Variants in STAT3 observed in about 807,000 individuals in gnomAD.
STAT3 encodes the protein DNA-binding protein APRF.
A neutral mutation model predicts 114.3 loss-of-function variants in STAT3; 7 were observed. That is an observed-to-expected ratio of 0.06 (90% CI 0.03 to 0.11). The LOEUF is 0.11. STAT3 is among the 10% of genes least tolerant of loss of function. The probability of loss-of-function intolerance (pLI) is 1.00; values close to 1 mark genes in which losing one functional copy is unlikely to be tolerated. For synonymous variants in STAT3, 331 were observed against 354.5 expected (o/e 0.93, Z 0.74); for missense variants, 364 against 960.9 (o/e 0.38, Z 8.21).
chr17:42,326,648 C>G (rs915494334), intron 14 of STAT3, among the ~76,000 whole-genome samples: 1 of 152,084 alleles, frequency 6.6e-6, no homozygotes, highest in African/African-American at 2.4e-5. Context: ...GGTGAAACCC[C>G]GTTTCTACTA....
chr17:42,325,305 T>C, intron 15 of STAT3: 1 of 506,354 alleles, frequency 2.0e-6, no homozygotes, highest in Non-Finnish European at 3.6e-6. Context: ...AAAACCTGAC[T>C]TGCTCAAAGC....
At chr17:42,354,161 A>G (rs1353664925) in intron 1 of STAT3, among the ~76,000 whole-genome samples, 2 of 150,208 alleles carry the variant, frequency 1.3e-5, no homozygotes, top group Non-Finnish European at 3.0e-5. Flanking sequence ...AAGTAGTACA[A>G]TAATTGTGTT....
At chr17:42,385,409 T>G (rs1421159665) in intron 1 of STAT3, among the ~76,000 whole-genome samples, 1 of 150,248 alleles carries the variant, frequency 6.7e-6, no homozygotes, top group Non-Finnish European at 1.5e-5. Context: ...CTCAGGAGGC[T>G]GAGGTGCGAG....
At chr17:42,358,126 G>GTAAA (rs1456568701) in intron 1 of STAT3, among the ~76,000 whole-genome samples, 3 of 152,074 alleles carry the variant, frequency 2.0e-5, no homozygotes, top group African/African-American at 7.2e-5. Flanking sequence ...TATGAAAGAA[G>GTAAA]TAAAGGCCAG....
chr17:42,363,275 T>C (rs569464768), intron 1 of STAT3, among the ~76,000 whole-genome samples: 3 of 152,296 alleles, frequency 2.0e-5, no homozygotes, highest in Admixed American at 6.5e-5. Flanking sequence ...AATCACTGAT[T>C]CAAGAATAAT....
intron 3 of STAT3, among the ~76,000 whole-genome samples, chr17:42,346,159 G>A (rs548202413): frequency 7.2e-5 from 11 of 152,222 alleles, no homozygotes; most frequent in South Asian, 2.1e-4. Context: ...GATTACAGGC[G>A]TGAGCCACCA....
chr17:42,373,776 T>C (rs546872083), intron 1 of STAT3, among the ~76,000 whole-genome samples: 5 of 150,130 alleles, frequency 3.3e-5, no homozygotes, highest in Admixed American at 2.0e-4. Context: ...TCCCATCTAG[T>C]CAGGAGGCTG....
At chr17:42,383,529 G>C (rs2084918694) in intron 1 of STAT3, among the ~76,000 whole-genome samples, 2 of 152,178 alleles carry the variant, frequency 1.3e-5, no homozygotes, top group South Asian at 4.1e-4. Context: ...TTAAAAACTG[G>C]AGGCATCTCA....
chr17:42,380,579 G>A (rs1261918635), intron 1 of STAT3, among the ~76,000 whole-genome samples: 1 of 150,510 alleles, frequency 6.6e-6, no homozygotes, highest in Non-Finnish European at 1.5e-5. Context: ...GAGACGGGGG[G>A]GGTCTCACTC....
rs367729820 is a variant in STAT3 at position 42,335,129 on chromosome 17, C to CT, written c.798-1081dup. ...CATGAGCCCTTTCTTTTCTTTCTTT[C>CT]TTTTTTTTTTTTTGAGACAGGGTCC... On this transcript the variant is annotated intron_variant, in intron 8 of 23. Transcript: ENST00000264657. Among the ~76,000 whole-genome samples, 602 of 144,700 alleles carry CT rather than the reference C, an allele frequency of 4.2e-3. 4 individuals are homozygous for CT. Among genetic ancestry groups the CT allele is most frequent in the Middle Eastern group, 0.014 (4 of 280 alleles). The allele number at this position is 144,700 out of a possible 152,430, so 94.9% of individuals were successfully genotyped here. A position where few individuals can be genotyped will look rare whatever the true frequency, so the allele number is the denominator to read the frequency against.
intron 21 of STAT3, among the ~76,000 whole-genome samples, chr17:42,318,032 A>T (rs1729806798): frequency 6.6e-6 from 1 of 152,078 alleles, no homozygotes; most frequent in South Asian, 2.1e-4. Context: ...CGGTTACCGC[A>T]ACCTCCTACT....
At chr17:42,373,024 CATA>C (rs906458728) in intron 1 of STAT3, among the ~76,000 whole-genome samples, 2 of 152,146 alleles carry the variant, frequency 1.3e-5, no homozygotes, top group African/African-American at 4.8e-5. Context: ...GTACTTTCCA[CATA>C]ATTTTTCTGT....
rs869312891 is a variant in STAT3 at position 42,331,524 on chromosome 17, C to A, written c.1057G>T (p.Val353Phe). 1.2e-6 allele frequency: 2 copies of A among 1,613,664 alleles called. No homozygotes were observed. Among genetic ancestry groups the A allele is most frequent in the Non-Finnish European group, 1.7e-6 (2 of 1,179,742 alleles). The change falls in exon 11 of 24, where the codon GTC (valine) becomes TTC (phenylalanine). Residue 353 changes from valine to phenylalanine, a missense_variant. Around this residue, in one of 5 missense-constraint regions of STAT3, gnomAD observed 294 missense variants for 745.1 expected, o/e 0.39. Coordinates refer to ENST00000264657, the MANE Select transcript of STAT3 (RefSeq NM_139276.3). ...TGATAATTCAACTCAGGGAATTTGA[C>A]CAGCAACCTATTTAAAAAGAAAAAA... ...VQFTTKVRLL[V>F]KFPELNYQLK...
At position 42,315,066 on chromosome 17, in the gene STAT3, T is replaced by A. The variant is rs2081201636; in HGVS notation, c.*679A>T. The A allele has an allele frequency of 5.5e-6, 1 of 182,634 alleles. No homozygotes were observed. The highest frequency in any genetic ancestry group is 1.2e-5 in the Non-Finnish European group (1 of 85,930). 11.3% of individuals were successfully genotyped at this position (182,634 alleles called of 1,614,324 possible). A position where few individuals can be genotyped will look rare whatever the true frequency, so the allele number is the denominator to read the frequency against. On this transcript the variant is annotated 3_prime_UTR_variant, in exon 24 of 24. Transcript: ENST00000264657. ...TAGTAGAGACGGGGTTTCACCGTGT[T>A]AGCCAGGATGGTCTTGATCTCCTGA...
chr17:42,387,839 G>C (rs2085196033), intron 1 of STAT3: 1 of 158,926 alleles, frequency 6.3e-6, no homozygotes, highest in South Asian at 2.0e-4. Context: ...GGCAAGCGGA[G>C]GAAGTGGCTC....
At chr17:42,386,261 A>G (rs1257141475) in intron 1 of STAT3, among the ~76,000 whole-genome samples, 1 of 149,516 alleles carries the variant, frequency 6.7e-6, no homozygotes, top group Non-Finnish European at 1.5e-5. Flanking sequence ...AGCCTGGGCA[A>G]CAGAGCAAGA....
At position 42,380,510 on chromosome 17, in the gene STAT3, G is replaced by A. The variant is rs575391027; in HGVS notation, c.-24+7769C>T. 1.5e-3 allele frequency among the ~76,000 whole-genome samples: 224 copies of A among 151,504 alleles called. 1 individual carries two copies. The highest frequency in any genetic ancestry group is 0.014 in the Middle Eastern group (4 of 294). On this transcript the variant is annotated intron_variant, in intron 1 of 23. Transcript: ENST00000264657. ...AGCGATTATCCTGCCTCAGCCTCCC[G>A]AGTAGCTGGGATTACAGGTGCCCAC...
intron 1 of STAT3, among the ~76,000 whole-genome samples, chr17:42,381,730 T>TAA (rs2084812899): frequency 9.8e-6 from 1 of 102,558 alleles, no homozygotes; most frequent in Non-Finnish European, 1.8e-5. Flanking sequence ...AGACTCCATC[T>TAA]CAAAAAAAAA....
intron 1 of STAT3, among the ~76,000 whole-genome samples, chr17:42,380,466 C>T (rs558862044): frequency 6.6e-6 from 1 of 152,148 alleles, no homozygotes; most frequent in Admixed American, 6.5e-5. Flanking sequence ...TTCACCGCAA[C>T]CTCCGCCTCC....
Sources: allele counts gnomAD v4.1 joint callset (sites outside exome capture counted in the v4.1 genomes callset), GRCh38; gene constraint gnomAD v4.1.1; regional missense constraint gnomAD v4.1.1; transcripts MANE v1.5; gene names NCBI Gene and HGNC (gene_info 2026-07-23, HGNC 2026-07-21).